Variants in LYPD6 observed in about 807,000 individuals in gnomAD.
LYPD6 encodes ly6/PLAUR domain-containing protein 6.
Under a neutral mutation model 22.7 loss-of-function variants are expected in LYPD6, and 15 were observed. The ratio of observed to expected loss-of-function variants is 0.66; its 90% CI spans 0.44 to 1.02. The LOEUF (loss-of-function observed/expected upper bound fraction) is 1.02, where lower values mean the gene tolerates loss of function less well. Among genes scored for constraint, LYPD6 ranks in the 50% least tolerant of loss-of-function variants. The pLI is 0.00. For missense variants in LYPD6, 189 were observed against 208.4 expected (o/e 0.91, Z 0.57); for synonymous variants, 72 against 77.5 (o/e 0.93, Z 0.37).
chr2:149,365,283 A>C (rs1356754286), intron 1 of LYPD6, among the ~76,000 whole-genome samples: 1 of 152,228 alleles, frequency 6.6e-6, no homozygotes, highest in East Asian at 1.9e-4. Flanking sequence ...TAACTATTGC[A>C]GGGACCTTGG....
intron 1 of LYPD6, among the ~76,000 whole-genome samples, chr2:149,409,150 G>T (rs1366066105): frequency 6.6e-6 from 1 of 152,200 alleles, no homozygotes; most frequent in Non-Finnish European, 1.5e-5. Context: ...CTTCCTGAGA[G>T]CTAAACTGTA....
intron 1 of LYPD6, among the ~76,000 whole-genome samples, chr2:149,362,875 G>T (rs1021133708): frequency 1.3e-5 from 2 of 152,124 alleles, no homozygotes; most frequent in Admixed American, 6.5e-5. Flanking sequence ...CGTGCAATTT[G>T]GGGGATACTT....
intron 1 of LYPD6, among the ~76,000 whole-genome samples, chr2:149,405,750 T>C (rs1229184640): frequency 1.3e-5 from 2 of 151,530 alleles, no homozygotes; most frequent in African/African-American, 4.9e-5. Flanking sequence ...CTGCTCTGAT[T>C]TTAGTTATTT....
At chr2:149,450,034 G>T (rs1263574882) in intron 3 of LYPD6, among the ~76,000 whole-genome samples, 2 of 152,108 alleles carry the variant, frequency 1.3e-5, no homozygotes, top group Non-Finnish European at 2.9e-5. Flanking sequence ...AATTGGGAGA[G>T]CATGGAAACC....
intron 1 of LYPD6, among the ~76,000 whole-genome samples, chr2:149,337,015 G>T (rs1324524660): frequency 1.3e-5 from 2 of 151,450 alleles, no homozygotes; most frequent in Non-Finnish European, 2.9e-5. Context: ...ACTAGGAAAT[G>T]TAAAAAGATT....
Position 149,336,167 on chromosome 2 carries a change from A to T in LYPD6, c.-72+5445A>T, listed in dbSNP as rs140500920. Among the ~76,000 whole-genome samples, 1,405 of 152,352 alleles carry T rather than the reference A, an allele frequency of 9.2e-3. 14 individuals are homozygous for T. The highest frequency in any genetic ancestry group is 0.032 in the African/African-American group (1,349 of 41,576). On this transcript the variant is annotated intron_variant, in intron 1 of 4. Transcript: ENST00000334166. ...AAACAAAAAATGGAGATCAATAGGT[A>T]TATCTCTGAGTGGACAAATAGCCTC...
intron 3 of LYPD6, among the ~76,000 whole-genome samples, chr2:149,465,288 A>G (rs964778290): frequency 6.6e-6 from 1 of 152,176 alleles, no homozygotes; most frequent in African/African-American, 2.4e-5. Flanking sequence ...AGGGTCAGAC[A>G]TGGGAAAAGG....
At chr2:149,436,386 G>A (rs1350077029) in intron 1 of LYPD6, among the ~76,000 whole-genome samples, 1 of 152,276 alleles carries the variant, frequency 6.6e-6, no homozygotes, top group South Asian at 2.1e-4. Context: ...AGCTTTATAG[G>A]AAACCAAGAA....
intron 1 of LYPD6, among the ~76,000 whole-genome samples, chr2:149,355,225 A>C (rs1681429353): frequency 6.6e-6 from 1 of 152,156 alleles, no homozygotes; most frequent in African/African-American, 2.4e-5. Context: ...ATATTTCTAA[A>C]TACCAAAACT....
chr2:149,446,551 G>A (rs1034355901), intron 2 of LYPD6, among the ~76,000 whole-genome samples: 1 of 152,118 alleles, frequency 6.6e-6, no homozygotes, highest in Non-Finnish European at 1.5e-5. Flanking sequence ...ACTTCTCTTT[G>A]TCACAATTAT....
intron 1 of LYPD6, among the ~76,000 whole-genome samples, chr2:149,351,392 TAAAAAAAAAAAAAA>T (rs71397025): frequency 1.2e-5 from 1 of 83,116 alleles, no homozygotes. Flanking sequence ...AGACTCCATC[TAAAAAAAAAAAAAA>T]AAAAAAAAAG....
At chr2:149,481,310 A>G in the LYPD6 span, among the ~76,000 whole-genome samples, 1 of 152,176 alleles carries the variant, frequency 6.6e-6, no homozygotes, top group Non-Finnish European at 1.5e-5. Context: ...CATATATTTA[A>G]TCTTGCACTA....
At chr2:149,384,960 G>A (rs560997347) in intron 1 of LYPD6, among the ~76,000 whole-genome samples, 1 of 141,368 alleles carries the variant, frequency 7.1e-6, no homozygotes, top group East Asian at 2.1e-4. Context: ...ATTCCCACCT[G>A]TGAGTGAGAA....
At chr2:149,348,448 G>C (rs1436466186) in intron 1 of LYPD6, among the ~76,000 whole-genome samples, 2 of 152,228 alleles carry the variant, frequency 1.3e-5, no homozygotes, top group African/African-American at 4.8e-5. Context: ...TGACTCCACT[G>C]TGAAGGTATC....
upstream of LYPD6, chr2:149,330,382 C>G (rs955256924): frequency 1.3e-5 from 2 of 151,420 alleles, no homozygotes; most frequent in African/African-American, 4.8e-5. Flanking sequence ...ACTTGGCGCT[C>G]AGGCCGATTC....
intron 1 of LYPD6, among the ~76,000 whole-genome samples, chr2:149,432,615 CTCTTAA>C (rs1477137943): frequency 1.3e-5 from 2 of 152,144 alleles, no homozygotes; most frequent in African/African-American, 4.8e-5. Context: ...GCAGGCCTTC[CTCTTAA>C]TCTTCTACCG....
At chr2:149,365,133 G>A (rs764960101) in intron 1 of LYPD6, among the ~76,000 whole-genome samples, 1 of 152,190 alleles carries the variant, frequency 6.6e-6, no homozygotes, top group Non-Finnish European at 1.5e-5. Flanking sequence ...ATTCACAGTA[G>A]TGTCACTTCT....
intron 1 of LYPD6, among the ~76,000 whole-genome samples, chr2:149,407,520 C>T (rs2962196): frequency 3.3e-5 from 5 of 152,194 alleles, no homozygotes; most frequent in South Asian, 2.1e-4. Flanking sequence ...TCCAGTTGAT[C>T]GCGTCGGCTC....
Position 149,362,500 on chromosome 2 carries a change from C to T in LYPD6, c.-72+31778C>T, listed in dbSNP as rs115886219. ...GAGAACTTAGAAAGGTCTGTTTGTT[C>T]AGATTCTGCCCATGACTGTCTTAAT... On this transcript the variant is annotated intron_variant, in intron 1 of 4. Transcript: ENST00000334166. 6.5e-3 allele frequency among the ~76,000 whole-genome samples: 983 copies of T among 152,228 alleles called. 7 individuals carry two copies. Among genetic ancestry groups the T allele is most frequent in the African/African-American group, 0.023 (951 of 41,538 alleles).
Sources: gnomAD v4.1 joint callset for allele counts (sites outside exome capture counted in the v4.1 genomes callset) on GRCh38, gnomAD v4.1.1 for gene constraint, MANE v1.5 for transcripts, NCBI Gene and HGNC (gene_info 2026-07-23, HGNC 2026-07-21) for gene names.